Variants in RTEL1 observed in about 807,000 individuals in gnomAD.
RTEL1 encodes the protein regulator of telomere elongation helicase 1.
In RTEL1, 86 loss-of-function variants were observed where a neutral mutation model predicts 162.2. The observed-to-expected ratio is 0.53, with a 90% CI of 0.45 to 0.63. RTEL1 has a LOEUF of 0.63. Among genes scored for constraint, RTEL1 ranks in the 30% least tolerant of loss-of-function variants. The pLI is 0.00. For synonymous variants in RTEL1, 958 were observed against 717.9 expected (o/e 1.33, Z -5.35); for missense variants, 1,941 against 1,750.2 (o/e 1.11, Z -1.95).
intron 21 of RTEL1, 69 bp from the exon 22 acceptor site, chr20:63,688,986 G>T (rs1411250298): frequency 2.7e-5 from 36 of 1,350,804 alleles, no homozygotes; most frequent in Non-Finnish European, 3.6e-5. Flanking sequence ...TGAGACCTGG[G>T]TCTCCCTCAT....
In RTEL1 at chr20:63,695,164, C is replaced by G; in HGVS notation, c.3442C>G (p.Pro1148Ala). 6.2e-7 allele frequency: 1 copy of G among 1,612,438 alleles called. No homozygotes were observed. Among genetic ancestry groups the G allele is most frequent in the Non-Finnish European group, 8.5e-7 (1 of 1,179,848 alleles). ...RPYPGMEPPG[P>A]QEERLAVPPV... ...CTACCCGGGCATGGAGCCACCGGGA[C>G]CCCAGGAGGAGAGGCTTGCCGTGCC... Residue 1148 changes from proline (P) to alanine (A), a missense_variant, in exon 33 of 35, where the codon CCC becomes GCC. Physicochemically the swap from Pro to Ala is conservative, Grantham distance 27 (BLOSUM62 -1). Coordinates refer to ENST00000360203, the MANE Select transcript of RTEL1 (RefSeq NM_001283009.2).
chr20:63,677,355 C>T (rs1251304058), intron 10 of RTEL1, among the ~76,000 whole-genome samples: 2 of 152,174 alleles, frequency 1.3e-5, no homozygotes, highest in African/African-American at 4.8e-5. Context: ...AAGGGCTCAG[C>T]GGTAATCCCA....
At chr20:63,695,306 A>T (rs1396414771) in intron 33 of RTEL1, 22 bp from the exon 34 acceptor site, 1 of 1,579,340 alleles carries the variant, frequency 6.3e-7, no homozygotes, top group Non-Finnish European at 8.6e-7. Flanking sequence ...GGCCCCCCTC[A>T]GACTCAAGTC....
Position 63,660,523 on chromosome 20 carries a change from CAT to C in RTEL1, c.103-774_103-773del, listed in dbSNP as rs375891107. Among the ~76,000 whole-genome samples the C allele has an allele frequency of 4.8e-3, 729 of 152,350 alleles. 5 individuals carry two copies. Among genetic ancestry groups the C allele is most frequent in the African/African-American group, 0.017 (699 of 41,572 alleles). On this transcript the variant is annotated intron_variant, in intron 2 of 34. Coordinates refer to ENST00000360203, the MANE Select transcript of RTEL1 (RefSeq NM_001283009.2). ...CCTTAAACCTTGATTCCATACAACACATGTTTCTGTGAGCTCAAGGCTGGGGC... is the reference window on the plus strand; with the variant it reads ...CCTTAAACCTTGATTCCATACAACACGTTTCTGTGAGCTCAAGGCTGGGGC...
At position 63,661,839 on chromosome 20, in the gene RTEL1, T is replaced by C; in HGVS notation, c.302-11T>C. 1 of 1,612,996 alleles carries C rather than the reference T, an allele frequency of 6.2e-7. No individual in the cohort carries two copies. The highest frequency in any genetic ancestry group is 8.5e-7 in the Non-Finnish European group (1 of 1,178,988). On this transcript the variant is annotated splice_polypyrimidine_tract_variant and intron_variant, in intron 3 of 34. Coordinates refer to ENST00000360203, the MANE Select transcript of RTEL1 (RefSeq NM_001283009.2). This position sits in a 1 kb window ranked among gnomAD's most constrained non-coding sequence, Gnocchi z 5.1. The stretch of plus-strand genomic sequence containing the variant: ...GAACCGTGACTTCTGTGCTTGCTTG[T>C]GTCTGGTCAGCTTGCTACACGGACA...
At position 63,695,813 on chromosome 20, in the gene RTEL1, C is replaced by T. The variant is rs1265451456; in HGVS notation, c.3858C>T (p.Ser1286=). The part of the protein sequence containing the change: ...SRMCPACHTA[S]RKQSVMQVFW... ...TGTGCCCAGCCTGCCACACCGCCTC[C>T]AGGAAGCAGAGCGTCATGCAGGTCT... is the stretch of plus-strand genomic sequence containing the variant. The change falls in exon 35 of 35, where the codon TCC becomes TCT. Residue 1286 remains serine, a synonymous_variant. Transcript: ENST00000360203. 4 of 1,600,540 alleles carry T rather than the reference C, an allele frequency of 2.5e-6. No homozygotes were observed. Among genetic ancestry groups the T allele is most frequent in the Admixed American group, 1.7e-5 (1 of 57,938 alleles).
At chr20:63,672,659 T>C (rs773588013) in intron 9 of RTEL1, 38 bp downstream of exon 9, 1 of 1,518,474 alleles carries the variant, frequency 6.6e-7, no homozygotes, top group South Asian at 1.2e-5. Flanking sequence ...CTCCTATTGC[T>C]TCTGGCCTTT....
At chr20:63,681,578 A>T (rs562483850) in intron 14 of RTEL1, 1 of 984,966 alleles carries the variant, frequency 1.0e-6, no homozygotes, top group African/African-American at 1.7e-5. Flanking sequence ...CCGCAGAAGA[A>T]CCCTGGGATG....
In RTEL1 at chr20:63,694,788, G is replaced by C. The variant is rs1321802859; in HGVS notation, c.3157G>C (p.Gly1053Arg). 2 of 1,611,928 alleles carry C rather than the reference G, an allele frequency of 1.2e-6. No individual in the cohort carries two copies. Among genetic ancestry groups the C allele is most frequent in the African/African-American group, 2.7e-5 (2 of 74,946 alleles). Residue 1053 changes from glycine (G) to arginine (R), a missense_variant, in exon 32 of 35, where the codon GGG becomes CGG. By Grantham distance (125) the Gly-to-Arg change is moderately radical. Coordinates refer to ENST00000360203, the MANE Select transcript of RTEL1 (RefSeq NM_001283009.2). ...PQWGSGVPRA[G>R]KQGQHAVSAY... is the part of the protein sequence containing the mutation. ...GTGGGGGTCTGGAGTGCCCAGAGCA[G>C]GGAAGCAGGGCCAGCACGCCGTGAG...
intron 8 of RTEL1, 81 bp downstream of exon 8, chr20:63,667,634 C>G (rs2090163009): frequency 3.5e-6 from 4 of 1,151,962 alleles, no homozygotes; most frequent in South Asian, 2.5e-5. Flanking sequence ...CGAGCCTTTG[C>G]TGCTTCAGGG....
At chr20:63,669,643 C>A (rs1375026033) in intron 8 of RTEL1, among the ~76,000 whole-genome samples, 5 of 152,216 alleles carry the variant, frequency 3.3e-5, no homozygotes, top group Admixed American at 3.3e-4. Flanking sequence ...ACAGACGTTT[C>A]ACCAAGATGG....
intron 10 of RTEL1, 38 bp from the exon 11 acceptor site, chr20:63,678,107 G>A (rs201356523): frequency 3.7e-5 from 60 of 1,613,678 alleles, no homozygotes; most frequent in African/African-American, 2.5e-4. Flanking sequence ...TGGCACGAGC[G>A]TGATGCAGAC....
intron 32 of RTEL1, 22 bp from the exon 33 acceptor site, chr20:63,695,044 G>A (rs776849108): frequency 9.9e-6 from 16 of 1,610,608 alleles, no homozygotes; most frequent in Non-Finnish European, 1.2e-5. Flanking sequence ...GCTGTGCCGG[G>A]TCTGATTGAA....
intron 8 of RTEL1, among the ~76,000 whole-genome samples, chr20:63,669,575 T>C (rs1222083531): frequency 1.3e-5 from 2 of 152,258 alleles, no homozygotes; most frequent in African/African-American, 4.8e-5. Flanking sequence ...GACCAGAGTA[T>C]GTAAAATTCT....
At chr20:63,683,524 G>A (rs868314746) in intron 14 of RTEL1, among the ~76,000 whole-genome samples, 5 of 152,196 alleles carry the variant, frequency 3.3e-5, no homozygotes, top group Admixed American at 6.5e-5. Flanking sequence ...ACACACGCAC[G>A]CACGCCTGCA....
chr20:63,681,282 G>A (rs951940345), intron 14 of RTEL1: 28 of 985,278 alleles, frequency 2.8e-5, no homozygotes, highest in Non-Finnish European at 3.4e-5. Context: ...TTTCCCTGGC[G>A]TAGAGGTGCT....
At chr20:63,666,546 T>C (rs1357183719) in intron 7 of RTEL1, among the ~76,000 whole-genome samples, 1 of 151,982 alleles carries the variant, frequency 6.6e-6, no homozygotes, top group African/African-American at 2.4e-5. Context: ...TCCCTCCCCC[T>C]TTTTTTTGAA....
Position 63,696,012 on chromosome 20 carries a change from C to G in RTEL1, c.*154C>G, listed in dbSNP as rs2090971453. 1 of 726,476 alleles carries G rather than the reference C, an allele frequency of 1.4e-6. No individual in the cohort carries two copies. The highest frequency in any genetic ancestry group is 1.8e-5 in the African/African-American group (1 of 56,328). 45.0% of individuals were successfully genotyped at this position (726,476 alleles called of 1,614,324 possible). On this transcript the variant is annotated 3_prime_UTR_variant, in exon 35 of 35. Coordinates refer to ENST00000360203, the MANE Select transcript of RTEL1 (RefSeq NM_001283009.2). ...AGGCAGGCGGGGCCCATGGTTGGTC[C>G]CTGCGGTGGGACCGGATCTGGGCCT...
chr20:63,676,150 C>T (rs1323538036), intron 10 of RTEL1, among the ~76,000 whole-genome samples: 2 of 152,018 alleles, frequency 1.3e-5, no homozygotes. Context: ...CTCACTGCAG[C>T]CTCCACCTCC....
Sources: gnomAD v4.1 joint callset for allele counts (sites outside exome capture counted in the v4.1 genomes callset) on GRCh38, gnomAD v4.1.1 for gene constraint, Gnocchi (gnomAD v3.1) non-coding constraint, MANE v1.5 for transcripts, NCBI Gene and HGNC (gene_info 2026-07-23, HGNC 2026-07-21) for gene names.